The following C1orf159 variants were observed in gnomAD, a reference collection of about 807,000 sequenced individuals.
C1orf159 encodes the protein chromosome 1 open reading frame 159.
In C1orf159, 19 loss-of-function variants were observed where a neutral mutation model predicts 25.6. The ratio of observed to expected loss-of-function variants is 0.74; its 90% CI spans 0.52 to 1.09. C1orf159 has a LOEUF of 1.09. Ranked by LOEUF, C1orf159 falls within the 50% of genes least tolerant of loss-of-function variation. The pLI, the probability that C1orf159 is intolerant of heterozygous loss-of-function variation, is 0.00. For synonymous variants in C1orf159, 139 were observed against 124.7 expected, an observed-to-expected ratio of 1.12 and a Z score of -0.77; for missense variants, 274 against 290.6, an observed-to-expected ratio of 0.94 and a Z score of 0.42.
intron 1 of C1orf159, among the ~76,000 whole-genome samples, chr1:1,113,708 T>C (rs944808833): frequency 3.3e-5 from 5 of 152,154 alleles, no homozygotes; most frequent in Non-Finnish European, 7.3e-5. Flanking sequence ...TAAAGCGCCC[T>C]TGGAAGAAGG....
chr1:1,091,662 G>C (rs1645938877), intron 2 of C1orf159, 97 bp from the exon 3 acceptor site: 1 of 870,050 alleles, frequency 1.1e-6, no homozygotes, highest in Non-Finnish European at 1.8e-6. Flanking sequence ...GATGTTGGGG[G>C]GGTGCGGGCC....
intron 9 of C1orf159, chr1:1,083,449 A>G: frequency 5.1e-6 from 1 of 197,220 alleles, no homozygotes; most frequent in Admixed American, 5.4e-5. Context: ...CACCTGAGAG[A>G]GAGGCAGAGA....
intron 4 of C1orf159, among the ~76,000 whole-genome samples, chr1:1,088,207 C>CT (rs1373932995): frequency 1.0e-5 from 1 of 98,830 alleles, no homozygotes; most frequent in Non-Finnish European, 2.1e-5. Flanking sequence ...AGGACCCCCC[C>CT]CCCATGGCCT....
intron 1 of C1orf159, among the ~76,000 whole-genome samples, chr1:1,101,668 G>T (rs568380704): frequency 1.4e-4 from 22 of 152,010 alleles, no homozygotes; most frequent in African/African-American, 5.3e-4. Context: ...GTCGGCTCAC[G>T]GTCTATTGGC....
chr1:1,100,691 T>TTCATA (rs1646089155), intron 1 of C1orf159, among the ~76,000 whole-genome samples: 1 of 152,212 alleles, frequency 6.6e-6, no homozygotes, highest in African/African-American at 2.4e-5. Context: ...CTCTTTTGCG[T>TTCATA]GATTTGAAGT....
intron 3 of C1orf159, 99 bp downstream of exon 3, chr1:1,091,373 T>C (rs1454847363): frequency 8.8e-7 from 1 of 1,135,226 alleles, no homozygotes; most frequent in Non-Finnish European, 1.3e-6. Flanking sequence ...GACATCAGTG[T>C]CCTAAAGGTG....
chr1:1,085,976 G>A lies in C1orf159; in HGVS notation c.347C>T (p.Thr116Met), dbSNP rs772422279. The change falls in exon 7 of 10, where the codon ACG becomes ATG. Residue 116 changes from threonine to methionine, a missense_variant. Transcript: ENST00000421241. Reference sequence around the variant, plus strand: ...GATGAGGCCGGAGCTAATGAAGAACGTGCCCAGGAAGAGGGAGGCGGCCAC... The same window carrying A: ...GATGAGGCCGGAGCTAATGAAGAACATGCCCAGGAAGAGGGAGGCGGCCAC... Reference protein sequence around the residue: ...PRVAASLFLGTFFISSGLILS... With the variant: ...PRVAASLFLGMFFISSGLILS... 2.9e-5 allele frequency: 47 copies of A among 1,613,218 alleles called. No homozygotes were observed. Among genetic ancestry groups the A allele is most frequent in the Non-Finnish European group, 3.6e-5 (42 of 1,179,838 alleles).
At chr1:1,092,732 C>T (rs1645959016) in intron 1 of C1orf159, 1 of 152,448 alleles carries the variant, frequency 6.6e-6, no homozygotes, top group Non-Finnish European at 1.5e-5. Flanking sequence ...ACGGTCCACT[C>T]TGTCACCCAT....
Position 1,091,505 on chromosome 1 carries a change from GAGA to G in C1orf159, c.36_38del (p.Leu13del), listed in dbSNP as rs897477124. Reference sequence around the variant, plus strand: ...CCATGGACTTGCTGGCGACTCCCACGAGAAGGCCAGCCAGGAGGGCGAGGTGCC... The same window carrying G: ...CCATGGACTTGCTGGCGACTCCCACGAGGCCAGCCAGGAGGGCGAGGTGCC... On this transcript the variant is annotated inframe_deletion, in exon 3 of 10. Transcript: ENST00000421241. The G allele has an allele frequency of 2.1e-5, 32 of 1,550,232 alleles. No individual in the cohort carries two copies. The African/African-American group carries it at 3.0e-4, about 15-fold the overall frequency.
chr1:1,115,829 A>C (rs1570348892), intron 1 of C1orf159, among the ~76,000 whole-genome samples: 3 of 70,718 alleles, frequency 4.2e-5, no homozygotes, highest in African/African-American at 1.1e-4. Context: ...CCTTTCCCCC[A>C]TAGGACCGCG....
At chr1:1,085,727 G>A (rs528313372) in intron 7 of C1orf159, 151 bp downstream of exon 7, 14 of 1,005,226 alleles carry the variant, frequency 1.4e-5, no homozygotes, top group South Asian at 5.4e-5. Context: ...TTCTCACACC[G>A]GGACCCAAAA....
chr1:1,093,976 G>C (rs1557427603), intron 1 of C1orf159, among the ~76,000 whole-genome samples: 1 of 152,198 alleles, frequency 6.6e-6, no homozygotes, highest in African/African-American at 2.4e-5. Context: ...TTTCCCTGAA[G>C]ACTAATGATG....
chr1:1,099,476 G>C (rs1646063494), intron 1 of C1orf159, among the ~76,000 whole-genome samples: 1 of 146,508 alleles, frequency 6.8e-6, no homozygotes, highest in African/African-American at 2.5e-5. Flanking sequence ...AAGAATTGCA[G>C]AGAGAGAGGT....
intron 1 of C1orf159, among the ~76,000 whole-genome samples, chr1:1,099,144 T>C (rs1322215542): frequency 2.0e-5 from 3 of 151,908 alleles, no homozygotes; most frequent in Non-Finnish European, 4.4e-5. Context: ...TCTATTGATG[T>C]TTTTGGTCTA....
In C1orf159 at chr1:1,084,539, G is replaced by A. The variant is rs377238827; in HGVS notation, c.446-33C>T. Reference sequence around the variant, plus strand: ...GGAGAAAGCGGAGAGTCACCCTGGAGCCCAGGAGCTGCCTCAACCTCAGCC... The same window carrying A: ...GGAGAAAGCGGAGAGTCACCCTGGAACCCAGGAGCTGCCTCAACCTCAGCC... On this transcript the variant is annotated intron_variant, in intron 7 of 9. Coordinates refer to ENST00000421241, the MANE Select transcript of C1orf159 (RefSeq NM_017891.5). The A allele has an allele frequency of 3.9e-6, 6 of 1,549,224 alleles. No homozygotes were observed. In the African/African-American group the frequency reaches 6.9e-5, roughly 18 times the overall value.
chr1:1,090,505 G>A, intron 3 of C1orf159, 77 bp from the exon 4 acceptor site: 1 of 1,420,644 alleles, frequency 7.0e-7, no homozygotes, highest in Admixed American at 2.0e-5. Flanking sequence ...GCGGCTGAGG[G>A]GTGCCGTGGG....
chr1:1,099,432 GCGTTGTCTATTGATGTTTTT>G (rs1646061947), intron 1 of C1orf159, among the ~76,000 whole-genome samples: 2 of 151,664 alleles, frequency 1.3e-5, no homozygotes, highest in African/African-American at 4.9e-5. Flanking sequence ...CTATGATTGT[GCGTTGTCTATTGATGTTTTT>G]GGTCGATTGT....
chr1:1,100,296 A>G (rs1358645830), intron 1 of C1orf159, among the ~76,000 whole-genome samples: 1 of 150,790 alleles, frequency 6.6e-6, no homozygotes, highest in African/African-American at 2.5e-5. Context: ...AATTACTGTT[A>G]TGGGTAGATG....
intron 2 of C1orf159, chr1:1,091,767 C>A (rs1645941583): frequency 4.1e-6 from 1 of 242,962 alleles, no homozygotes; most frequent in Admixed American, 6.5e-5. Context: ...GAGGGTGGGG[C>A]CAAATGGAAG....
Sources: allele counts gnomAD v4.1 joint callset (sites outside exome capture counted in the v4.1 genomes callset), GRCh38; gene constraint gnomAD v4.1.1; transcripts MANE v1.5; gene names NCBI Gene and HGNC (gene_info 2026-07-23, HGNC 2026-07-21).